Variants in PRKAG2 observed in about 807,000 individuals in gnomAD.
PRKAG2 encodes 5'-AMP-activated protein kinase subunit gamma-2.
A neutral mutation model predicts 69.6 loss-of-function variants in PRKAG2; 26 were observed. The ratio of observed to expected loss-of-function variants is 0.37; its 90% CI spans 0.27 to 0.52. The LOEUF (loss-of-function observed/expected upper bound fraction) is 0.52, where lower values mean the gene tolerates loss of function less well. Among genes scored for constraint, PRKAG2 ranks in the 20% least tolerant of loss-of-function variants. The pLI, the probability that PRKAG2 is intolerant of heterozygous loss-of-function variation, is 0.90. For missense variants in PRKAG2, 557 were observed against 740.0 expected (o/e 0.75, Z 2.87); for synonymous variants, 293 against 285.0 (o/e 1.03, Z -0.28).
chr7:151,653,444 G>A (rs1380172138), intron 4 of PRKAG2, among the ~76,000 whole-genome samples: 3 of 152,110 alleles, frequency 2.0e-5, no homozygotes, highest in Non-Finnish European at 1.5e-5. Context: ...CTCACCCACC[G>A]ATACGACAAC....
At position 151,670,124 on chromosome 7, in the gene PRKAG2, T is replaced by C. The variant is rs113584833; in HGVS notation, c.684+5296A>G. On this transcript the variant is annotated intron_variant, in intron 4 of 15. Transcript: ENST00000287878. ...CACATACACCTGCATGCACACACAC[T>C]TGCATGCACACACACCTGTGCACAC... 1.7e-4 allele frequency among the ~76,000 whole-genome samples: 20 copies of C among 120,650 alleles called. No individual in the cohort carries two copies. In the East Asian group the frequency reaches 2.5e-3, roughly 15 times the overall value. The allele number at this position is 120,650 out of a possible 152,430, so 79.2% of individuals were successfully genotyped here. A position where few individuals can be genotyped will look rare whatever the true frequency, so the allele number is the denominator to read the frequency against.
At chr7:151,860,034 C>T (rs924799222) in intron 1 of PRKAG2, among the ~76,000 whole-genome samples, 14 of 152,118 alleles carry the variant, frequency 9.2e-5, no homozygotes, top group African/African-American at 3.4e-4. Flanking sequence ...CGGAGGTGGC[C>T]GGGCACCTGG....
intron 4 of PRKAG2, among the ~76,000 whole-genome samples, chr7:151,662,259 C>A (rs1454315783): frequency 6.6e-6 from 1 of 152,218 alleles, no homozygotes; most frequent in East Asian, 1.9e-4. Flanking sequence ...TCTAAATCCA[C>A]GTCCGTGCCA....
chr7:151,821,895 A>T (rs2078791504), intron 1 of PRKAG2, among the ~76,000 whole-genome samples: 1 of 152,188 alleles, frequency 6.6e-6, no homozygotes, highest in African/African-American at 2.4e-5. Flanking sequence ...TTAAATCCGT[A>T]TGTATGTATG....
chr7:151,805,177 A>T (rs1319122103), intron 1 of PRKAG2, among the ~76,000 whole-genome samples: 1 of 152,200 alleles, frequency 6.6e-6, no homozygotes, highest in African/African-American at 2.4e-5. Flanking sequence ...GGTGAGAAGG[A>T]ACCTCGCAGT....
intron 1 of PRKAG2, among the ~76,000 whole-genome samples, chr7:151,854,654 T>C (rs2079659421): frequency 6.6e-6 from 1 of 152,194 alleles, no homozygotes; most frequent in African/African-American, 2.4e-5. Context: ...TTTGCACAAT[T>C]GGGCTGAGAC....
At chr7:151,599,669 C>T (rs751525512) in intron 5 of PRKAG2, among the ~76,000 whole-genome samples, 7 of 152,170 alleles carry the variant, frequency 4.6e-5, no homozygotes, top group Admixed American at 2.0e-4. Flanking sequence ...AGTTCACCAT[C>T]GGGTTTGGAC....
chr7:151,784,531 G>A (rs2076903489), intron 2 of PRKAG2, among the ~76,000 whole-genome samples: 1 of 152,198 alleles, frequency 6.6e-6, no homozygotes, highest in South Asian at 2.1e-4. Context: ...CTTCAGAGAC[G>A]CAGTGACAGG....
intron 3 of PRKAG2, among the ~76,000 whole-genome samples, chr7:151,703,183 A>AT (rs1838008339): frequency 6.6e-6 from 1 of 152,090 alleles, no homozygotes; most frequent in African/African-American, 2.4e-5. Context: ...CTCACTCATC[A>AT]GCGCGCGCGA....
chr7:151,604,034 G>A (rs1816881255), intron 5 of PRKAG2, among the ~76,000 whole-genome samples: 1 of 152,196 alleles, frequency 6.6e-6, no homozygotes, highest in African/African-American at 2.4e-5. Flanking sequence ...ATGGACTGGT[G>A]GGTGGCTTGT....
chr7:151,727,099 C>T (rs1798105662), intron 3 of PRKAG2, among the ~76,000 whole-genome samples: 1 of 152,028 alleles, frequency 6.6e-6, no homozygotes, highest in Admixed American at 6.5e-5. Context: ...CCTGTAATCC[C>T]ACCTACTCAG....
chr7:151,564,736 G>C (rs1173324791), intron 13 of PRKAG2, among the ~76,000 whole-genome samples: 1 of 151,864 alleles, frequency 6.6e-6, no homozygotes, highest in Non-Finnish European at 1.5e-5. Flanking sequence ...GATCCAAATG[G>C]CTTCATGGGG....
intron 13 of PRKAG2, 95 bp downstream of exon 13, chr7:151,565,251 T>A: frequency 9.6e-7 from 1 of 1,041,976 alleles, no homozygotes; most frequent in Non-Finnish European, 1.3e-6. Flanking sequence ...TTAGAAATTA[T>A]TAAATTAAGA....
At chr7:151,754,707 A>G (rs969730686) in intron 3 of PRKAG2, among the ~76,000 whole-genome samples, 1 of 14,702 alleles carries the variant, frequency 6.8e-5, no homozygotes, top group African/African-American at 2.7e-4. Context: ...CCGCCCACCC[A>G]ACCCCCTCCG....
intron 4 of PRKAG2, among the ~76,000 whole-genome samples, chr7:151,648,929 C>T (rs887695286): frequency 1.6e-4 from 24 of 151,440 alleles, no homozygotes; most frequent in Admixed American, 1.3e-3. Context: ...TTTTTATGAT[C>T]AGAGACTACA....
At chr7:151,759,806 C>A (rs774031354) in intron 3 of PRKAG2, among the ~76,000 whole-genome samples, 2 of 152,224 alleles carry the variant, frequency 1.3e-5, no homozygotes, top group African/African-American at 2.4e-5. Context: ...CCAAGGGGAC[C>A]CCGACCTACT....
intron 3 of PRKAG2, among the ~76,000 whole-genome samples, chr7:151,716,006 G>T (rs1796128150): frequency 6.6e-6 from 1 of 152,176 alleles, no homozygotes; most frequent in Admixed American, 6.5e-5. Context: ...AATCCAAGGG[G>T]CAGGGGAGGT....
intron 1 of PRKAG2, among the ~76,000 whole-genome samples, chr7:151,821,448 G>A (rs1336832317): frequency 6.6e-6 from 1 of 152,194 alleles, no homozygotes; most frequent in Non-Finnish European, 1.5e-5. Flanking sequence ...GTCTCAGGCA[G>A]GTGCTCCGGG....
intron 3 of PRKAG2, among the ~76,000 whole-genome samples, chr7:151,684,306 A>G (rs752322245): frequency 1.3e-5 from 2 of 152,058 alleles, no homozygotes; most frequent in African/African-American, 2.4e-5. Flanking sequence ...CCTGCCCCCA[A>G]CGATACAGTT....
Sources: gnomAD v4.1 joint callset for allele counts (sites outside exome capture counted in the v4.1 genomes callset) on GRCh38, gnomAD v4.1.1 for gene constraint, MANE v1.5 for transcripts, NCBI Gene and HGNC (gene_info 2026-07-23, HGNC 2026-07-21) for gene names.